The following PKD2L2 variants were observed in gnomAD, a reference collection of about 807,000 sequenced individuals.
PKD2L2 encodes the protein polycystin 2 like 2, transient receptor potential cation channel.
In PKD2L2, 67 loss-of-function variants were observed where a neutral mutation model predicts 83.9. The observed-to-expected ratio is 0.80, with a 90% CI of 0.66 to 0.98. The LOEUF is 0.98. Ranked by LOEUF, PKD2L2 falls within the 50% of genes least tolerant of loss-of-function variation. The pLI is 0.00. For missense variants in PKD2L2, 632 were observed against 717.2 expected (o/e 0.88, Z 1.36); for synonymous variants, 223 against 237.8 (o/e 0.94, Z 0.57).
chr5:137,941,842 T>A, intron 14 of PKD2L2: 1 of 967,714 alleles, frequency 1.0e-6, no homozygotes, highest in Non-Finnish European at 1.6e-6. Context: ...GCTAGCATCC[T>A]ATATGCACAA....
intron 12 of PKD2L2, among the ~76,000 whole-genome samples, chr5:137,928,401 A>G (rs927302588): frequency 6.6e-6 from 1 of 150,510 alleles, no homozygotes; most frequent in Non-Finnish European, 1.5e-5. Flanking sequence ...AAAAAAAAAA[A>G]AAGTTAAAGA....
At chr5:137,896,689 G>A (rs1756495461) in intron 4 of PKD2L2, among the ~76,000 whole-genome samples, 1 of 152,112 alleles carries the variant, frequency 6.6e-6, no homozygotes, top group Non-Finnish European at 1.5e-5. Context: ...TGGAATTACA[G>A]GTGTGAGCCA....
chr5:137,900,031 A>G (rs1290269095), intron 5 of PKD2L2, among the ~76,000 whole-genome samples: 5 of 152,262 alleles, frequency 3.3e-5, no homozygotes, highest in Admixed American at 6.5e-5. Context: ...TTACTATCAC[A>G]AAGTATACAC....
At chr5:137,936,502 C>A in intron 14 of PKD2L2, 75 bp downstream of exon 14, 1 of 1,279,642 alleles carries the variant, frequency 7.8e-7, no homozygotes, top group Non-Finnish European at 1.1e-6. Context: ...AACGCCCAGG[C>A]TGGAGTGCAG....
At chr5:137,927,406 G>T (rs550352793) in intron 12 of PKD2L2, among the ~76,000 whole-genome samples, 12 of 152,306 alleles carry the variant, frequency 7.9e-5, no homozygotes, top group Middle Eastern at 3.4e-3. Context: ...GTCAAGTCAT[G>T]AAGTCAAGGT....
At chr5:137,900,523 A>C (rs1241597436) in intron 5 of PKD2L2, among the ~76,000 whole-genome samples, 1 of 152,228 alleles carries the variant, frequency 6.6e-6, no homozygotes, top group African/African-American at 2.4e-5. Context: ...GCAGTTGCCC[A>C]CGATTTCAAG....
intron 12 of PKD2L2, among the ~76,000 whole-genome samples, chr5:137,933,115 A>C (rs982537258): frequency 3.9e-5 from 6 of 152,064 alleles, no homozygotes; most frequent in South Asian, 2.1e-4. Context: ...AGAATCTAAC[A>C]GGAATCCAGG....
chr5:137,941,850 C>A, intron 14 of PKD2L2: 1 of 1,073,698 alleles, frequency 9.3e-7, no homozygotes, highest in Non-Finnish European at 1.4e-6. Context: ...CCTATATGCA[C>A]AATTTCTAAT....
At chr5:137,939,318 G>A (rs1173915079) in intron 14 of PKD2L2, 2 of 152,568 alleles carry the variant, frequency 1.3e-5, no homozygotes, top group Admixed American at 6.6e-5. Context: ...ATAATATTTT[G>A]CTGATTTAAG....
intron 8 of PKD2L2, among the ~76,000 whole-genome samples, chr5:137,919,623 C>T (rs2150041690): frequency 6.6e-6 from 1 of 152,082 alleles, no homozygotes; most frequent in African/African-American, 2.4e-5. Context: ...TGAGACTTTC[C>T]ACCAATTCCT....
At chr5:137,903,946 G>A (rs1757163435) in intron 5 of PKD2L2, among the ~76,000 whole-genome samples, 1 of 152,080 alleles carries the variant, frequency 6.6e-6, no homozygotes, top group Admixed American at 6.6e-5. Flanking sequence ...AGTAGAGACG[G>A]GGTTTCGCCA....
rs754824826 is a variant in PKD2L2, at chr5:137,921,706, G to C, written c.1399G>C (p.Gly467Arg). The C allele has an allele frequency of 6.2e-7, 1 of 1,608,898 alleles. No individual in the cohort carries two copies. Among genetic ancestry groups the C allele is most frequent in the South Asian group, 1.1e-5 (1 of 90,548 alleles). ...AGIQQANPIL[G>R]PIYFITFIFF... Reference sequence around the variant, plus strand: ...TATTCAGCAAGCCAATCCTATCTTGGGACCCATTTACTTCATCACTTTCAT... The same window carrying C: ...TATTCAGCAAGCCAATCCTATCTTGCGACCCATTTACTTCATCACTTTCAT... Residue 467 changes from glycine to arginine, a missense_variant, in exon 9 of 15, where the codon GGA (glycine) becomes CGA (arginine). Transcript: ENST00000508883.
chr5:137,910,799 A>AC (rs1380186465), intron 8 of PKD2L2, among the ~76,000 whole-genome samples: 1 of 151,040 alleles, frequency 6.6e-6, no homozygotes, highest in Non-Finnish European at 1.5e-5. Flanking sequence ...GAAAAACAAA[A>AC]AAAAAAAGCT....
chr5:137,910,132 A>C (rs745436486), intron 8 of PKD2L2, among the ~76,000 whole-genome samples: 3 of 151,940 alleles, frequency 2.0e-5, no homozygotes, highest in Non-Finnish European at 4.4e-5. Flanking sequence ...ACACTGAGGC[A>C]GGAGGATCAC....
At chr5:137,933,903 C>T (rs1022230737) in intron 12 of PKD2L2, among the ~76,000 whole-genome samples, 1 of 152,166 alleles carries the variant, frequency 6.6e-6, no homozygotes, top group Non-Finnish European at 1.5e-5. Context: ...CCCAAACGGT[C>T]AAGTGGCAGT....
chr5:137,909,108 T>C (rs1428258770), intron 8 of PKD2L2, among the ~76,000 whole-genome samples, 162 bp downstream of exon 8: 1 of 152,134 alleles, frequency 6.6e-6, no homozygotes, highest in African/African-American at 2.4e-5. Flanking sequence ...CAGGGTCTCA[T>C]AGCTCACTGA....
intron 12 of PKD2L2, among the ~76,000 whole-genome samples, chr5:137,929,771 G>A (rs988568463): frequency 6.6e-6 from 1 of 152,012 alleles, no homozygotes; most frequent in Admixed American, 6.6e-5. Flanking sequence ...GAGGACAGAT[G>A]ACATTTGAAT....
chr5:137,895,075 A>G (rs1338717944), intron 4 of PKD2L2, among the ~76,000 whole-genome samples: 1 of 152,070 alleles, frequency 6.6e-6, no homozygotes, highest in Non-Finnish European at 1.5e-5. Flanking sequence ...GTTATGCTCT[A>G]CAGGGACTGC....
chr5:137,934,764 A>C lies in PKD2L2; in HGVS notation c.1672-1033A>C, dbSNP rs575953895. ...GAGGGGTGGTTAGCATTCAACTTCC[A>C]CATCGAATGCTAAGATTGTGCCACT... is the stretch of plus-strand genomic sequence containing the variant. On this transcript the variant is annotated intron_variant, in intron 12 of 14. Transcript: ENST00000508883. Among the ~76,000 whole-genome samples, 7 of 152,318 alleles carry C rather than the reference A, an allele frequency of 4.6e-5. No individual in the cohort carries two copies. In the South Asian group the frequency reaches 1.0e-3, roughly 23 times the overall value.
Sources: allele counts gnomAD v4.1 joint callset (sites outside exome capture counted in the v4.1 genomes callset), GRCh38; gene constraint gnomAD v4.1.1; transcripts MANE v1.5; gene names NCBI Gene and HGNC (gene_info 2026-07-23, HGNC 2026-07-21).